The following PTPN3 variants were observed in gnomAD, a reference collection of about 807,000 sequenced individuals.
The protein encoded by PTPN3 is protein tyrosine phosphatase non-receptor type 3.
Under a neutral mutation model 132.7 loss-of-function variants are expected in PTPN3, and 96 were observed. That is an observed-to-expected ratio of 0.72 (90% CI 0.61 to 0.86). The LOEUF (loss-of-function observed/expected upper bound fraction) is 0.86, where lower values mean the gene tolerates loss of function less well. PTPN3 is among the 40% of genes least tolerant of loss of function. The pLI is 0.00. For synonymous variants in PTPN3, 398 were observed against 429.0 expected (o/e 0.93, Z 0.89); for missense variants, 1,125 against 1,159.6 (o/e 0.97, Z 0.43).
At chr9:109,430,741 C>T (rs7873088) in intron 10 of PTPN3, among the ~76,000 whole-genome samples, 40,412 of 152,040 alleles carry the variant, frequency 0.27, 5,523 homozygotes, top group East Asian at 0.3. Context: ...TAGAGTCTCA[C>T]AAGAGCACTA....
Position 109,420,412 on chromosome 9 carries a change from C to T in PTPN3, c.1313+12G>A, listed in dbSNP as rs367560460. On this transcript the variant is annotated intron_variant, in intron 14 of 25. Transcript: ENST00000374541. ...GCAAATACCCAGAAATAAAACAACA[C>T]GAGTTTCTTACTCTTGGTGCGGGCT... 12 of 1,579,494 alleles carry T rather than the reference C, an allele frequency of 7.6e-6. No individual in the cohort carries two copies. Among genetic ancestry groups the T allele is most frequent in the African/African-American group, 1.4e-5 (1 of 73,886 alleles).
intron 19 of PTPN3, among the ~76,000 whole-genome samples, chr9:109,402,829 G>A (rs1364209890): frequency 1.3e-5 from 2 of 152,056 alleles, no homozygotes; most frequent in Admixed American, 6.5e-5. Context: ...CTAGCACTTT[G>A]GGGGGCTGAG....
At chr9:109,401,676 G>A (rs551930612) in intron 19 of PTPN3, among the ~76,000 whole-genome samples, 16 of 152,138 alleles carry the variant, frequency 1.1e-4, no homozygotes, top group Admixed American at 5.2e-4. Flanking sequence ...ACCAGTTCTC[G>A]CAGGGCTGAA....
At chr9:109,474,191 T>C (rs951147288) in intron 1 of PTPN3, among the ~76,000 whole-genome samples, 5 of 151,962 alleles carry the variant, frequency 3.3e-5, no homozygotes, top group Admixed American at 2.6e-4. Context: ...TGCCAGCCCA[T>C]GGGGGGGTTT....
chr9:109,465,419 T>C (rs1034857912), intron 1 of PTPN3, among the ~76,000 whole-genome samples: 11 of 151,684 alleles, frequency 7.3e-5, no homozygotes, highest in African/African-American at 2.2e-4. Flanking sequence ...GTACCAAACA[T>C]ACAAAACTAG....
the PTPN3 span, among the ~76,000 whole-genome samples, chr9:109,513,814 G>A: frequency 6.6e-6 from 1 of 152,150 alleles, no homozygotes; most frequent in African/African-American, 2.4e-5. Context: ...TTTAGCTAGT[G>A]GGGGTGTCTA....
At position 109,378,025 on chromosome 9, in the gene PTPN3, T is replaced by C. The variant is rs1194844982; in HGVS notation, c.*1531A>G. The C allele has an allele frequency of 1.3e-5, 2 of 152,212 alleles. No homozygotes were observed. Among genetic ancestry groups the C allele is most frequent in the Non-Finnish European group, 2.9e-5 (2 of 68,036 alleles). The allele number at this position is 152,212 out of a possible 1,614,324, so 9.4% of individuals were successfully genotyped here. On this transcript the variant is annotated 3_prime_UTR_variant, in exon 26 of 26. Transcript: ENST00000374541. The stretch of plus-strand genomic sequence containing the variant: ...AAGAAACAAAGTATGCAAGTAAATA[T>C]GCTAGCTCTAGAGATAAAGAATCTC...
At position 109,439,949 on chromosome 9, in the gene PTPN3, T is replaced by C. The variant is rs78291415; in HGVS notation, c.467-1715A>G. On this transcript the variant is annotated intron_variant, in intron 7 of 25. Coordinates refer to ENST00000374541, the MANE Select transcript of PTPN3 (RefSeq NM_002829.4). ...AAAAAGGGAAGATGCAAAGGTTATGTTTCATTCAGCCTTGTTCACCTAACT... is the reference window on the plus strand; with the variant it reads ...AAAAAGGGAAGATGCAAAGGTTATGCTTCATTCAGCCTTGTTCACCTAACT... Among the ~76,000 whole-genome samples the C allele has an allele frequency of 9.5e-3, 1,442 of 151,666 alleles. 20 individuals carry two copies. Among genetic ancestry groups the C allele is most frequent in the African/African-American group, 0.032 (1,337 of 41,384 alleles).
chr9:109,456,183 G>A (rs1042777135), intron 4 of PTPN3, among the ~76,000 whole-genome samples: 2 of 152,256 alleles, frequency 1.3e-5, no homozygotes, highest in Non-Finnish European at 2.9e-5. Flanking sequence ...TCCTGTGTAT[G>A]CGCACCTGCG....
intron 14 of PTPN3, among the ~76,000 whole-genome samples, chr9:109,411,895 TGGTTGGGGGTAG>T (rs1163317819): frequency 1.3e-5 from 2 of 152,170 alleles, no homozygotes; most frequent in South Asian, 2.1e-4. Context: ...TCCAAGTGGC[TGGTTGGGGGTAG>T]GGTGTTATGG....
chr9:109,462,162 C>T (rs974122357), intron 2 of PTPN3, among the ~76,000 whole-genome samples: 9 of 152,196 alleles, frequency 5.9e-5, no homozygotes, highest in Admixed American at 4.6e-4. Flanking sequence ...CTCTGCCAGG[C>T]GAAGGGCCCA....
At chr9:109,483,414 C>T (rs563465433) in intron 1 of PTPN3, among the ~76,000 whole-genome samples, 1 of 152,230 alleles carries the variant, frequency 6.6e-6, no homozygotes, top group South Asian at 2.1e-4. Context: ...AGCTGTGAGG[C>T]AGGTGCTGGG....
At chr9:109,446,782 C>A (rs1234128700) in intron 6 of PTPN3, among the ~76,000 whole-genome samples, 1 of 152,186 alleles carries the variant, frequency 6.6e-6, no homozygotes, top group Admixed American at 6.5e-5. Context: ...CACCAGAAGC[C>A]TCTGTTCTGC....
rs556699872 is a variant in PTPN3 at position 109,444,789 on chromosome 9, G to C, written c.466+451C>G. On this transcript the variant is annotated intron_variant, in intron 7 of 25. Transcript: ENST00000374541. The stretch of plus-strand genomic sequence containing the variant: ...AAGAAATTCCTAAGATCCCAGTAGT[G>C]TTTTAGAGTAGCACCAACCAAGCAG... Among the ~76,000 whole-genome samples the C allele has an allele frequency of 6.6e-5, 10 of 152,248 alleles. No individual in the cohort carries two copies. The South Asian group carries it at 2.1e-3, about 32-fold the overall frequency.
chr9:109,382,957 C>T (rs1839240275), intron 23 of PTPN3, among the ~76,000 whole-genome samples: 2 of 152,044 alleles, frequency 1.3e-5, no homozygotes, highest in South Asian at 4.1e-4. Flanking sequence ...CCATAGATGT[C>T]CTTTCTCCTC....
At chr9:109,380,316 C>T (rs530512102) in intron 25 of PTPN3, among the ~76,000 whole-genome samples, 4 of 152,040 alleles carry the variant, frequency 2.6e-5, no homozygotes, top group African/African-American at 7.2e-5. Flanking sequence ...AGTGCAGTGG[C>T]GTAATCTTGG....
At chr9:109,464,073 A>G (rs1053821241) in intron 1 of PTPN3, among the ~76,000 whole-genome samples, 6 of 152,322 alleles carry the variant, frequency 3.9e-5, no homozygotes. Context: ...AATTAAACCC[A>G]CAAAGCAATA....
intron 9 of PTPN3, 42 bp from the exon 10 acceptor site, chr9:109,433,203 A>G (rs1175347639): frequency 1.2e-6 from 2 of 1,611,064 alleles, no homozygotes; most frequent in Non-Finnish European, 8.5e-7. Context: ...TGTTACAGTC[A>G]TGCTTATGCC....
chr9:109,406,659 C>G, intron 17 of PTPN3, 41 bp from the exon 18 acceptor site: 1 of 1,608,594 alleles, frequency 6.2e-7, no homozygotes, highest in Non-Finnish European at 8.5e-7. Context: ...GTTACCATAA[C>G]ACAGTCCTTG....
Sources: allele counts gnomAD v4.1 joint callset (sites outside exome capture counted in the v4.1 genomes callset), GRCh38; gene constraint gnomAD v4.1.1; transcripts MANE v1.5; gene names NCBI Gene and HGNC (gene_info 2026-07-23, HGNC 2026-07-21).